Variants in AFF3 observed in about 807,000 individuals in gnomAD.
AFF3 encodes ALF transcription elongation factor 3.
Under a neutral mutation model 129.7 loss-of-function variants are expected in AFF3, and 32 were observed. The ratio of observed to expected loss-of-function variants is 0.25; its 90% CI spans 0.19 to 0.33. The LOEUF (loss-of-function observed/expected upper bound fraction) is 0.33, where lower values mean the gene tolerates loss of function less well. Ranked by LOEUF, AFF3 falls within the 10% of genes least tolerant of loss-of-function variation. The probability of loss-of-function intolerance (pLI) is 1.00; values close to 1 mark genes in which losing one functional copy is unlikely to be tolerated. For missense variants in AFF3, 1,373 were observed against 1,592.0 expected, an observed-to-expected ratio of 0.86 and a Z score of 2.34; for synonymous variants, 644 against 635.4, an observed-to-expected ratio of 1.01 and a Z score of -0.20.
At chr2:100,054,541 T>C (rs1015044983) in intron 4 of AFF3, among the ~76,000 whole-genome samples, 26 of 152,176 alleles carry the variant, frequency 1.7e-4, no homozygotes, top group Non-Finnish European at 3.2e-4. Context: ...TGGGTTTTCC[T>C]AGGTCTTAAG....
intron 16 of AFF3, among the ~76,000 whole-genome samples, chr2:99,583,934 C>T (rs1056056327): frequency 2.6e-5 from 4 of 151,630 alleles, no homozygotes; most frequent in Admixed American, 1.3e-4. Context: ...AACTTCTAAT[C>T]TCAGGTGATC....
At chr2:99,724,271 C>CTTTTTTTTTTTTTTG (rs1679167810) in intron 11 of AFF3, among the ~76,000 whole-genome samples, 1 of 66,862 alleles carries the variant, frequency 1.5e-5, no homozygotes, top group African/African-American at 6.6e-5. Flanking sequence ...AATGACCTTT[C>CTTTTTTTTTTTTTTG]TTTTTTTTTT....
intron 7 of AFF3, among the ~76,000 whole-genome samples, chr2:99,939,687 A>G (rs1674849601): frequency 6.6e-6 from 1 of 152,224 alleles, no homozygotes; most frequent in South Asian, 2.1e-4. Context: ...CCATACAGGA[A>G]TGTATATGGC....
chr2:99,563,534 G>C (rs1474268659), intron 20 of AFF3, among the ~76,000 whole-genome samples: 1 of 151,280 alleles, frequency 6.6e-6, no homozygotes, highest in Admixed American at 6.6e-5. Flanking sequence ...GAGCTAGCCA[G>C]GTGCGGTGGC....
chr2:100,056,941 G>A (rs1573284487), intron 4 of AFF3, among the ~76,000 whole-genome samples: 1 of 143,988 alleles, frequency 6.9e-6, no homozygotes, highest in South Asian at 2.1e-4. Flanking sequence ...AAGTAAAGCT[G>A]AAGAAATGGT....
At chr2:99,699,482 T>C (rs1485832298) in intron 11 of AFF3, among the ~76,000 whole-genome samples, 1 of 152,216 alleles carries the variant, frequency 6.6e-6, no homozygotes, top group Non-Finnish European at 1.5e-5. Context: ...AATTCTCTCA[T>C]CTTCTGCTGT....
intron 4 of AFF3, among the ~76,000 whole-genome samples, chr2:100,095,130 G>A (rs1690183900): frequency 1.4e-5 from 2 of 146,188 alleles, no homozygotes; most frequent in African/African-American, 2.6e-5. Context: ...GTGTGGTGGG[G>A]GGCGGGTTGT....
At chr2:100,139,804 G>A (rs1338246573) in intron 1 of AFF3, among the ~76,000 whole-genome samples, 1 of 152,246 alleles carries the variant, frequency 6.6e-6, no homozygotes, top group East Asian at 1.9e-4. Context: ...TGACTTGTTT[G>A]TCAGACTTGG....
At chr2:99,776,680 C>A (rs1468110720) in intron 8 of AFF3, among the ~76,000 whole-genome samples, 3 of 152,218 alleles carry the variant, frequency 2.0e-5, no homozygotes, top group Admixed American at 1.3e-4. Flanking sequence ...ACCATTCCGG[C>A]AGTGGGCTCC....
chr2:99,823,390 T>C (rs897629210), intron 8 of AFF3, among the ~76,000 whole-genome samples: 6 of 151,838 alleles, frequency 4.0e-5, no homozygotes, highest in Admixed American at 1.3e-4. Flanking sequence ...AAAGTATTAA[T>C]AAATGTGCAG....
rs1032433486 is a variant in AFF3, at chr2:99,753,769, C to T, written c.922-1468G>A. Among the ~76,000 whole-genome samples, 5 of 152,280 alleles carry T rather than the reference C, an allele frequency of 3.3e-5. No individual in the cohort carries two copies. In the East Asian group the frequency reaches 7.7e-4, roughly 24 times the overall value. On this transcript the variant is annotated intron_variant, in intron 8 of 24. Coordinates refer to ENST00000672756, the MANE Select transcript of AFF3 (RefSeq NM_001386135.1). ...AGACAGTAGGTGGGTTAGGCACATACGCATTCTAGGTGTCCCTTCTCCATT... is the reference window on the plus strand; with the variant it reads ...AGACAGTAGGTGGGTTAGGCACATATGCATTCTAGGTGTCCCTTCTCCATT...
At chr2:99,950,965 A>T (rs1444620518) in intron 7 of AFF3, among the ~76,000 whole-genome samples, 2 of 152,352 alleles carry the variant, frequency 1.3e-5, no homozygotes, top group East Asian at 3.9e-4. Flanking sequence ...CCTTTATCAA[A>T]TTTGGTGTCC....
At chr2:99,806,472 T>A (rs1266186644) in intron 8 of AFF3, among the ~76,000 whole-genome samples, 1 of 152,110 alleles carries the variant, frequency 6.6e-6, no homozygotes, top group East Asian at 1.9e-4. Flanking sequence ...TGGAGGAGGA[T>A]GAGGACCCCT....
intron 4 of AFF3, among the ~76,000 whole-genome samples, chr2:100,102,561 C>G (rs902006153): frequency 1.3e-4 from 19 of 148,636 alleles, no homozygotes; most frequent in African/African-American, 4.7e-4. Context: ...TGTGACACTG[C>G]TCCAGGGTAA....
chr2:100,134,846 A>G (rs1209753078), intron 1 of AFF3, among the ~76,000 whole-genome samples: 2 of 152,258 alleles, frequency 1.3e-5, no homozygotes, highest in Admixed American at 1.3e-4. Context: ...AGGAACTTTC[A>G]TTCTAATGGA....
chr2:99,945,781 C>T (rs1237801260), intron 7 of AFF3, among the ~76,000 whole-genome samples: 1 of 152,168 alleles, frequency 6.6e-6, no homozygotes, highest in Non-Finnish European at 1.5e-5. Flanking sequence ...AAGCCATACT[C>T]CCTGAAAGTA....
rs530480423 is a variant in AFF3 at position 99,812,353 on chromosome 2, G to T, written c.921+25124C>A. On this transcript the variant is annotated intron_variant, in intron 8 of 24. Transcript: ENST00000672756. ...GATACCCTCTGACGAAACCTCTGAA[G>T]GTGAAACACTAGCAGAGGCTGAAAA... Among the ~76,000 whole-genome samples the T allele has an allele frequency of 6.6e-5, 10 of 152,286 alleles. No homozygotes were observed. The South Asian group carries it at 2.1e-3, about 32-fold the overall frequency.
intron 4 of AFF3, among the ~76,000 whole-genome samples, chr2:100,050,804 G>A (rs1184204334): frequency 6.6e-6 from 1 of 152,156 alleles, no homozygotes; most frequent in African/African-American, 2.4e-5. Flanking sequence ...AGATGCAGAT[G>A]GGCTTGACTG....
At chr2:100,024,972 A>G (rs896892362) in intron 4 of AFF3, among the ~76,000 whole-genome samples, 2 of 152,166 alleles carry the variant, frequency 1.3e-5, no homozygotes, top group East Asian at 3.8e-4. Context: ...TACTGCAAAT[A>G]TTACTTTTTA....
Sources: allele counts gnomAD v4.1 joint callset (sites outside exome capture counted in the v4.1 genomes callset), GRCh38; gene constraint gnomAD v4.1.1; transcripts MANE v1.5; gene names NCBI Gene and HGNC (gene_info 2026-07-23, HGNC 2026-07-21).